The following RDX variants were observed in gnomAD, a reference collection of about 807,000 sequenced individuals.
RDX encodes the protein radixin.
In RDX, 32 loss-of-function variants were observed where a neutral mutation model predicts 83.7. The observed-to-expected ratio is 0.38, with a 90% CI of 0.29 to 0.51. The LOEUF (loss-of-function observed/expected upper bound fraction) is 0.51. RDX is among the 20% of genes least tolerant of loss of function. The pLI is 0.87. For missense variants in RDX, 600 were observed against 689.9 expected (o/e 0.87, Z 1.46); for synonymous variants, 229 against 222.7 (o/e 1.03, Z -0.25).
At chr11:110,194,707 C>T (rs940089835) in intron 15 of RDX, among the ~76,000 whole-genome samples, 1 of 152,116 alleles carries the variant, frequency 6.6e-6, no homozygotes, top group African/African-American at 2.4e-5. Flanking sequence ...TACAAGAGAC[C>T]ACTTTGGGAA....
intron 14 of RDX, among the ~76,000 whole-genome samples, chr11:110,208,275 A>G (rs1185453317): frequency 6.6e-6 from 1 of 152,266 alleles, no homozygotes; most frequent in African/African-American, 2.4e-5. Context: ...TTCAGTTCTG[A>G]AAACGAATGT....
At chr11:110,229,266 T>C (rs947510527), downstream of RDX, among the ~76,000 whole-genome samples, 2 of 152,020 alleles carry the variant, frequency 1.3e-5, no homozygotes, top group African/African-American at 4.8e-5. Context: ...TCCACAGAAT[T>C]AATCACTATT....
In RDX at chr11:110,264,148, T is replaced by A; in HGVS notation, c.279A>T (p.Leu93Phe). The A allele has an allele frequency of 6.2e-7, 1 of 1,612,610 alleles. No individual in the cohort carries two copies. Among genetic ancestry groups the A allele is most frequent in the South Asian group, 1.1e-5 (1 of 91,048 alleles). The change falls in exon 5 of 14, where the codon TTA becomes TTT. Residue 93 changes from leucine to phenylalanine, a missense_variant. Physicochemically the swap from Leu to Phe is conservative, Grantham distance 22. Coordinates refer to ENST00000645495, the MANE Select transcript of RDX (RefSeq NM_002906.4). ...AGAGTCTCTGGGTTATTTCTTGAAT[T>A]AATTCCTCAGAAACATCTTCAGGAA... is the stretch of plus-strand genomic sequence containing the variant. ...KFFPEDVSEE[L>F]IQEITQRLFF...
Position 110,263,945 on chromosome 11 carries a change from G to GC in RDX, c.467+14dup, listed in dbSNP as rs1156608403. On this transcript the variant is annotated intron_variant, in intron 5 of 13. Coordinates refer to ENST00000645495, the MANE Select transcript of RDX (RefSeq NM_002906.4). The stretch of plus-strand genomic sequence containing the variant: ...AATTTTCAGACAATATAATGCAAAC[G>GC]CATGTTTCACTTACCGCTGGGGTAG... 1 of 1,608,256 alleles carries GC rather than the reference G, an allele frequency of 6.2e-7. No homozygotes were observed.
downstream of RDX, among the ~76,000 whole-genome samples, chr11:110,226,199 T>C (rs1047517000): frequency 1.3e-5 from 2 of 152,132 alleles, no homozygotes; most frequent in Admixed American, 1.3e-4. Flanking sequence ...GCAGCAATAT[T>C]CAGAGTAGTC....
chr11:110,211,309 T>C (rs964961303), intron 14 of RDX, among the ~76,000 whole-genome samples: 3 of 152,120 alleles, frequency 2.0e-5, no homozygotes, highest in Non-Finnish European at 4.4e-5. Flanking sequence ...ATGCACCCAA[T>C]ACAGGAGCAC....
downstream of RDX, among the ~76,000 whole-genome samples, chr11:110,227,904 G>A (rs1007924655): frequency 6.6e-6 from 1 of 152,048 alleles, no homozygotes; most frequent in African/African-American, 2.4e-5. Context: ...AACTCCTAAA[G>A]TAGTCCATAT....
rs185463785 is a variant in RDX, at chr11:110,262,383, G to A, written c.467+1577C>T. Among the ~76,000 whole-genome samples the A allele has an allele frequency of 2.6e-5, 4 of 152,174 alleles. No individual in the cohort carries two copies. In the East Asian group the frequency reaches 5.8e-4, roughly 22 times the overall value. On this transcript the variant is annotated intron_variant, in intron 5 of 13. Coordinates refer to ENST00000645495, the MANE Select transcript of RDX (RefSeq NM_002906.4). ...GTGGATCATTTGAGATCAGGAGTTC[G>A]AGACCAGCCTGACCAACACGGTGAA...
chr11:110,254,213 T>A, intron 8 of RDX, 104 bp from the exon 9 acceptor site: 2 of 893,206 alleles, frequency 2.2e-6, no homozygotes, highest in East Asian at 2.6e-5. Context: ...AATGTCATAT[T>A]ACATATAGTT....
intron 2 of RDX, among the ~76,000 whole-genome samples, chr11:110,279,354 C>T (rs1189418920): frequency 6.6e-6 from 1 of 152,096 alleles, no homozygotes; most frequent in Non-Finnish European, 1.5e-5. Flanking sequence ...GGTGAAACCC[C>T]ATCTATACCA....
intron 14 of RDX, among the ~76,000 whole-genome samples, chr11:110,218,163 A>C (rs1864123027): frequency 6.6e-6 from 1 of 152,140 alleles, no homozygotes; most frequent in Admixed American, 6.6e-5. Context: ...AGACATATGG[A>C]GCTGACAGAG....
At chr11:110,188,760 A>C (rs1863038166) in intron 15 of RDX, among the ~76,000 whole-genome samples, 2 of 152,234 alleles carry the variant, frequency 1.3e-5, no homozygotes, top group South Asian at 2.1e-4. Flanking sequence ...AAGCTTCATA[A>C]GCAAAGAAGA....
chr11:110,231,760 G>T lies in RDX; in HGVS notation c.*109C>A. The T allele has an allele frequency of 8.4e-7, 1 of 1,184,108 alleles. No individual in the cohort carries two copies. The highest frequency in any genetic ancestry group is 1.3e-6 in the Non-Finnish European group (1 of 799,290). The allele number at this position is 1,184,108 out of a possible 1,614,324, so 73.4% of individuals were successfully genotyped here. A position where few individuals can be genotyped will look rare whatever the true frequency, so the allele number is the denominator to read the frequency against. On this transcript the variant is annotated 3_prime_UTR_variant, in exon 14 of 14. Coordinates refer to ENST00000645495, the MANE Select transcript of RDX (RefSeq NM_002906.4). ...GTCTTTTAGCTAGCACAGTCAAACT[G>T]GTGTAAGTGCTTTGGCAAGGTGGGA...
At chr11:110,277,096 A>G (rs1053748248) in intron 2 of RDX, among the ~76,000 whole-genome samples, 1 of 152,216 alleles carries the variant, frequency 6.6e-6, no homozygotes, top group African/African-American at 2.4e-5. Flanking sequence ...GGCAAGTTCT[A>G]TACTTCCAGA....
rs897084072 is a variant in RDX at position 110,240,097 on chromosome 11, T to C, written c.1091-2445A>G. 7.9e-5 allele frequency among the ~76,000 whole-genome samples: 12 copies of C among 152,320 alleles called. No individual in the cohort carries two copies. In the South Asian group the frequency reaches 2.3e-3, roughly 29 times the overall value. ...AAGGAAATCAATATATTGGAGATAG[T>C]TGTACTCCTACGTTTATTGCAGCAC... On this transcript the variant is annotated intron_variant, in intron 10 of 13. Coordinates refer to ENST00000645495, the MANE Select transcript of RDX (RefSeq NM_002906.4).
intron 15 of RDX, among the ~76,000 whole-genome samples, chr11:110,189,243 T>TAAAAAAAAAAAAAAACAAA (rs1863053732): frequency 2.8e-5 from 1 of 35,590 alleles, no homozygotes; most frequent in Non-Finnish European, 6.3e-5. Flanking sequence ...GAACAACAGG[T>TAAAAAAAAAAAAAAACAAA]AAAAAAAAAA....
chr11:110,181,175 T>A (rs1432201350), intron 15 of RDX, among the ~76,000 whole-genome samples: 1 of 151,580 alleles, frequency 6.6e-6, no homozygotes, highest in Non-Finnish European at 1.5e-5. Flanking sequence ...TTTTTTTTTT[T>A]TTTTGAGACG....
intron 5 of RDX, among the ~76,000 whole-genome samples, chr11:110,261,993 T>C (rs1158510582): frequency 4.6e-5 from 7 of 152,178 alleles, no homozygotes; most frequent in African/African-American, 1.2e-4. Context: ...GCTGTACTTG[T>C]TTAGATAAAG....
intron 1 of RDX, among the ~76,000 whole-genome samples, chr11:110,292,658 A>C (rs2134456840): frequency 6.6e-6 from 1 of 152,302 alleles, no homozygotes; most frequent in Admixed American, 6.5e-5. Flanking sequence ...AATTAAAAAA[A>C]AAAAACATTT....
Sources: gnomAD v4.1 joint callset for allele counts (sites outside exome capture counted in the v4.1 genomes callset) on GRCh38, gnomAD v4.1.1 for gene constraint, MANE v1.5 for transcripts, NCBI Gene and HGNC (gene_info 2026-07-23, HGNC 2026-07-21) for gene names.